The following NRF1 variants were observed in gnomAD, a reference collection of about 807,000 sequenced individuals.
NRF1 encodes the protein nuclear respiratory factor 1.
NRF1 carries 5 observed loss-of-function variants against 58.5 expected under a neutral mutation model. The ratio of observed to expected loss-of-function variants is 0.09; its 90% CI spans 0.04 to 0.18. The LOEUF is 0.18. NRF1 is among the 10% of genes least tolerant of loss of function. The pLI, the probability that NRF1 is intolerant of heterozygous loss-of-function variation, is 1.00. For synonymous variants in NRF1, 224 were observed against 246.7 expected, an observed-to-expected ratio of 0.91 and a Z score of 0.86; for missense variants, 288 against 657.7, an observed-to-expected ratio of 0.44 and a Z score of 6.15.
chr7:129,642,005 G>T (rs1801301673), intron 1 of NRF1, among the ~76,000 whole-genome samples: 1 of 146,788 alleles, frequency 6.8e-6, no homozygotes. Context: ...TTGAGACAGA[G>T]CCTCATTCTG....
At chr7:129,667,830 G>A (rs948935837) in intron 2 of NRF1, among the ~76,000 whole-genome samples, 1 of 151,716 alleles carries the variant, frequency 6.6e-6, no homozygotes, top group African/African-American at 2.4e-5. Flanking sequence ...GTGCAGTGAT[G>A]CAATCATAGT....
chr7:129,732,057 G>T (rs1383753394), intron 10 of NRF1, among the ~76,000 whole-genome samples: 2 of 152,046 alleles, frequency 1.3e-5, no homozygotes, highest in Non-Finnish European at 2.9e-5. Flanking sequence ...TGTGTTCCAG[G>T]ACTCCTGACC....
chr7:129,665,597 T>A (rs1801901179), intron 2 of NRF1, among the ~76,000 whole-genome samples: 3 of 152,188 alleles, frequency 2.0e-5, no homozygotes, highest in Admixed American at 6.5e-5. Flanking sequence ...TTAGTATCAA[T>A]CACCAGTATG....
In NRF1 at chr7:129,669,858, T is replaced by C. The variant is rs535451837; in HGVS notation, c.224-1571T>C. Among the ~76,000 whole-genome samples the C allele has an allele frequency of 2.1e-3, 314 of 152,298 alleles. 3 individuals carry two copies. Among genetic ancestry groups the C allele is most frequent in the African/African-American group, 6.8e-3 (283 of 41,554 alleles). On this transcript the variant is annotated intron_variant, in intron 2 of 10. Transcript: ENST00000393232. The stretch of plus-strand genomic sequence containing the variant: ...ACTTCTGGGTATTTATCCAACAGAA[T>C]TGAAATCAGGACCCCAAAGAGATAT...
intron 5 of NRF1, among the ~76,000 whole-genome samples, chr7:129,693,233 G>A (rs899634382): frequency 6.6e-6 from 1 of 152,208 alleles, no homozygotes; most frequent in Non-Finnish European, 1.5e-5. Flanking sequence ...TGTTTACTCA[G>A]TGTGGACGCT....
At chr7:129,644,061 G>A (rs1232564349) in intron 1 of NRF1, among the ~76,000 whole-genome samples, 1 of 152,126 alleles carries the variant, frequency 6.6e-6, no homozygotes, top group Admixed American at 6.5e-5. Context: ...TTTCCTTCAG[G>A]ATGCCTGCCC....
chr7:129,742,677 A>G (rs529359227), intron 10 of NRF1, among the ~76,000 whole-genome samples: 1 of 152,326 alleles, frequency 6.6e-6, no homozygotes, highest in Admixed American at 6.5e-5. Flanking sequence ...ATTTAGATTG[A>G]GTTTCCATTT....
chr7:129,688,214 C>T (rs1390749814), intron 4 of NRF1, among the ~76,000 whole-genome samples: 1 of 152,142 alleles, frequency 6.6e-6, no homozygotes, highest in Non-Finnish European at 1.5e-5. Flanking sequence ...GCAACCTCCA[C>T]CTCCTGGGCT....
Position 129,717,548 on chromosome 7 carries a change from A to G in NRF1, c.1223+172A>G, listed in dbSNP as rs147021982. Among the ~76,000 whole-genome samples, 6 of 152,328 alleles carry G rather than the reference A, an allele frequency of 3.9e-5. No homozygotes were observed. In the East Asian group the frequency reaches 1.2e-3, roughly 29 times the overall value. On this transcript the variant is annotated intron_variant, in intron 9 of 10. Transcript: ENST00000393232. ...GGCCTATAATAGGTCAGTCCTTACC[A>G]AGAAAAATTAAACTTCTTTCCTTCA...
In NRF1 at chr7:129,671,728, C is replaced by T. The variant is rs766288930; in HGVS notation, c.338+185C>T. 7.2e-5 allele frequency among the ~76,000 whole-genome samples: 11 copies of T among 152,148 alleles called. 1 individual carries two copies. Among genetic ancestry groups the T allele is most frequent in the Admixed American group, 4.6e-4 (7 of 15,280 alleles). ...ACAAAGAAATACGATTTAACAGATA[C>T]GTAATATCACATTAATTCATTCAGA... On this transcript the variant is annotated intron_variant, in intron 3 of 10. Transcript: ENST00000393232.
Position 129,671,422 on chromosome 7 carries a change from A to G in NRF1, c.224-7A>G, listed in dbSNP as rs752375036. 1 of 1,597,546 alleles carries G rather than the reference A, an allele frequency of 6.3e-7. No homozygotes were observed. The highest frequency in any genetic ancestry group is 8.6e-7 in the Non-Finnish European group (1 of 1,165,002). On this transcript the variant is annotated splice_region_variant and splice_polypyrimidine_tract_variant and intron_variant, in intron 2 of 10. Coordinates refer to ENST00000393232, the MANE Select transcript of NRF1 (RefSeq NM_005011.5). ...GCCTAATCTCAGCACATACGTTATT[A>G]TTTCAGGTCCTGTGGGAATGGCCGC...
intron 9 of NRF1, among the ~76,000 whole-genome samples, chr7:129,722,146 G>A (rs531740797): frequency 2.0e-5 from 3 of 152,252 alleles, no homozygotes; most frequent in East Asian, 1.9e-4. Context: ...TGTAATCCCA[G>A]CACTTTGGGA....
At chr7:129,684,360 C>T (rs1802398754) in intron 4 of NRF1, among the ~76,000 whole-genome samples, 1 of 152,180 alleles carries the variant, frequency 6.6e-6, no homozygotes, top group Admixed American at 6.5e-5. Flanking sequence ...TAAGAAAAGG[C>T]TATGTATTAG....
rs187475317 is a variant in NRF1 at position 129,732,433 on chromosome 7, A to G, written c.1348+5068A>G. 6.6e-3 allele frequency among the ~76,000 whole-genome samples: 1,006 copies of G among 152,302 alleles called. 15 individuals carry two copies. Among genetic ancestry groups the G allele is most frequent in the African/African-American group, 0.023 (970 of 41,568 alleles). On this transcript the variant is annotated intron_variant, in intron 10 of 10. Transcript: ENST00000393232. Reference sequence around the variant, plus strand: ...GAATGGCATATTTGAAGTTGGTGCAATTACTTTCACACCAACCTAATAAGC... The same window carrying G: ...GAATGGCATATTTGAAGTTGGTGCAGTTACTTTCACACCAACCTAATAAGC...
intron 5 of NRF1, among the ~76,000 whole-genome samples, chr7:129,693,547 T>A (rs915579827): frequency 6.6e-6 from 1 of 152,162 alleles, no homozygotes; most frequent in African/African-American, 2.4e-5. Context: ...TTGGCGTTTT[T>A]TTTTTCTTCA....
chr7:129,707,541 T>C (rs1802979909), intron 5 of NRF1, among the ~76,000 whole-genome samples: 1 of 152,162 alleles, frequency 6.6e-6, no homozygotes, highest in Non-Finnish European at 1.5e-5. Context: ...TATTTGAGCC[T>C]AGAAAAAGAC....
At chr7:129,624,484 A>C (rs1010930807) in intron 1 of NRF1, among the ~76,000 whole-genome samples, 2 of 152,168 alleles carry the variant, frequency 1.3e-5, no homozygotes, top group Non-Finnish European at 2.9e-5. Context: ...ACATTTTATA[A>C]TTTTAGGAAC....
intron 1 of NRF1, among the ~76,000 whole-genome samples, chr7:129,617,486 A>G (rs1310856262): frequency 1.3e-5 from 2 of 152,252 alleles, no homozygotes; most frequent in Non-Finnish European, 2.9e-5. Context: ...CATTCTCTCC[A>G]TTAAGAAATA....
intron 10 of NRF1, among the ~76,000 whole-genome samples, chr7:129,750,211 C>T (rs191690827): frequency 2.0e-5 from 3 of 152,286 alleles, no homozygotes; most frequent in Non-Finnish European, 4.4e-5. Flanking sequence ...ATCGAAATGA[C>T]CCAGAATACA....
Sources: gnomAD v4.1 joint callset for allele counts (sites outside exome capture counted in the v4.1 genomes callset) on GRCh38, gnomAD v4.1.1 for gene constraint, MANE v1.5 for transcripts, NCBI Gene and HGNC (gene_info 2026-07-23, HGNC 2026-07-21) for gene names.